The following CADPS variants were observed in gnomAD, a reference collection of about 807,000 sequenced individuals.
CADPS encodes calcium-dependent secretion activator 1.
CADPS carries 57 observed loss-of-function variants against 167.3 expected under a neutral mutation model. That is an observed-to-expected ratio of 0.34 (90% CI 0.28 to 0.42). The LOEUF is 0.42. Ranked by LOEUF, CADPS falls within the 20% of genes least tolerant of loss-of-function variation. The pLI is 1.00. For synonymous variants in CADPS, 676 were observed against 635.3 expected, an observed-to-expected ratio of 1.06 and a Z score of -0.96; for missense variants, 1,414 against 1,738.1, an observed-to-expected ratio of 0.81 and a Z score of 3.32.
At chr3:62,551,769 C>G (rs900957421) in intron 10 of CADPS, among the ~76,000 whole-genome samples, 1 of 152,146 alleles carries the variant, frequency 6.6e-6, no homozygotes, top group African/African-American at 2.4e-5. Context: ...ACCTCAGTAC[C>G]TTTGCAATTG....
At position 62,458,580 on chromosome 3, in the gene CADPS, C is replaced by T. The variant is rs527634184; in HGVS notation, c.3636+6787G>A. ...TTCAGCTCACTACAACCTCCGCCTC[C>T]CGAGTTCAAGCAATTCTCCTGGCTC... is the stretch of plus-strand genomic sequence containing the variant. On this transcript the variant is annotated intron_variant, in intron 26 of 29. Coordinates refer to ENST00000383710, the MANE Select transcript of CADPS (RefSeq NM_003716.4). The surrounding 1 kb of genome is among the most constrained non-coding windows in gnomAD (Gnocchi z 4.6). 1.7e-4 allele frequency among the ~76,000 whole-genome samples: 26 copies of T among 152,250 alleles called. No homozygotes were observed. Among genetic ancestry groups the T allele is most frequent in the African/African-American group, 6.3e-4 (26 of 41,548 alleles).
intron 9 of CADPS, among the ~76,000 whole-genome samples, chr3:62,570,420 G>A (rs750742030): frequency 1.1e-4 from 16 of 152,052 alleles, no homozygotes; most frequent in Non-Finnish European, 2.1e-4. Flanking sequence ...ACTAAATTCT[G>A]ACTTTACTCA....
At chr3:62,758,857 G>C (rs1289799873) in intron 2 of CADPS, among the ~76,000 whole-genome samples, 1 of 152,158 alleles carries the variant, frequency 6.6e-6, no homozygotes, top group East Asian at 1.9e-4. Flanking sequence ...GGTCATTTTA[G>C]AAACATACAA....
chr3:62,729,878 T>G (rs914226605), intron 3 of CADPS, among the ~76,000 whole-genome samples: 1 of 151,824 alleles, frequency 6.6e-6, no homozygotes, highest in Non-Finnish European at 1.5e-5. Flanking sequence ...GGGCATGTGG[T>G]AAGGCTATAC....
chr3:62,787,152 G>A (rs977012903), intron 1 of CADPS, among the ~76,000 whole-genome samples: 23 of 151,970 alleles, frequency 1.5e-4, no homozygotes, highest in Non-Finnish European at 2.8e-4. Context: ...AAAATTAGCC[G>A]GGCATGGTTG....
At chr3:62,733,096 A>C (rs2078248205) in intron 3 of CADPS, among the ~76,000 whole-genome samples, 2 of 152,198 alleles carry the variant, frequency 1.3e-5, no homozygotes, top group Non-Finnish European at 2.9e-5. Context: ...TTCTGTGACA[A>C]AGATTAAGCA....
intron 1 of CADPS, among the ~76,000 whole-genome samples, chr3:62,859,728 T>C (rs1021283116): frequency 1.3e-4 from 20 of 152,316 alleles, no homozygotes; most frequent in Non-Finnish European, 1.6e-4. Flanking sequence ...TCAAAACTCA[T>C]AGGGAGTTGT....
In CADPS at chr3:62,807,323, G is replaced by A. The variant is rs991780849; in HGVS notation, c.442-41339C>T. Among the ~76,000 whole-genome samples, 11 of 101,066 alleles carry A rather than the reference G, an allele frequency of 1.1e-4. No homozygotes were observed. The South Asian group carries it at 1.4e-3, about 13-fold the overall frequency. The allele number at this position is 101,066 out of a possible 152,430, so 66.3% of individuals were successfully genotyped here. ...GTCGCCCAGGCTGGAGGGCACTGGC[G>A]TGATCTCAGCTCACTGCAACCTCCG... On this transcript the variant is annotated intron_variant, in intron 1 of 29. Coordinates refer to ENST00000383710, the MANE Select transcript of CADPS (RefSeq NM_003716.4).
chr3:62,545,595 A>C (rs2076335918), intron 11 of CADPS, among the ~76,000 whole-genome samples: 1 of 152,134 alleles, frequency 6.6e-6, no homozygotes, highest in Admixed American at 6.5e-5. Context: ...GTCACACACA[A>C]ACTAATGAAT....
chr3:62,418,105 C>A (rs1018563777), intron 28 of CADPS, among the ~76,000 whole-genome samples: 11 of 152,020 alleles, frequency 7.2e-5, no homozygotes, highest in Non-Finnish European at 1.6e-4. Context: ...CTTCTCCTAA[C>A]AACCTTAAGA....
At chr3:62,795,569 T>C (rs1258222530) in intron 1 of CADPS, among the ~76,000 whole-genome samples, 1 of 152,214 alleles carries the variant, frequency 6.6e-6, no homozygotes, top group Non-Finnish European at 1.5e-5. Context: ...CTTTACCAAC[T>C]TTCTGTTTCA....
chr3:62,821,007 G>C (rs2094888971), intron 1 of CADPS, among the ~76,000 whole-genome samples: 1 of 151,930 alleles, frequency 6.6e-6, no homozygotes, highest in South Asian at 2.1e-4. Context: ...CACCATGTTG[G>C]CCAGGCTAAT....
intron 10 of CADPS, among the ~76,000 whole-genome samples, chr3:62,553,754 A>C (rs2077675271): frequency 2.0e-5 from 3 of 152,198 alleles, no homozygotes; most frequent in Admixed American, 2.0e-4. Flanking sequence ...CGACAGATGA[A>C]AGAGAACCAA....
At chr3:62,658,794 A>T (rs2072395271) in intron 4 of CADPS, among the ~76,000 whole-genome samples, 1 of 152,054 alleles carries the variant, frequency 6.6e-6, no homozygotes, top group Non-Finnish European at 1.5e-5. Context: ...TCCATTGTAG[A>T]TTGGTTAACT....
At position 62,670,683 on chromosome 3, in the gene CADPS, T is replaced by TA. The variant is rs373200558; in HGVS notation, c.889-8290dup. Among the ~76,000 whole-genome samples the TA allele has an allele frequency of 2.3e-3, 344 of 151,034 alleles. 3 individuals carry two copies. Among genetic ancestry groups the TA allele is most frequent in the African/African-American group, 7.3e-3 (299 of 41,150 alleles). On this transcript the variant is annotated intron_variant, in intron 3 of 29. Transcript: ENST00000383710. ...CTGAACAAGCAGCCAATAAATACAT[T>TA]AAAAAAAAACCCAAACAGAAAACCA...
chr3:62,616,119 C>G (rs1353407049), intron 6 of CADPS, among the ~76,000 whole-genome samples: 1 of 152,162 alleles, frequency 6.6e-6, no homozygotes, highest in Non-Finnish European at 1.5e-5. Flanking sequence ...AGTTTATTCC[C>G]TCCATCAATC....
chr3:62,653,052 C>A (rs1198532083), intron 4 of CADPS, among the ~76,000 whole-genome samples: 1 of 152,174 alleles, frequency 6.6e-6, no homozygotes, highest in Non-Finnish European at 1.5e-5. Context: ...GCATAACTAA[C>A]AGCCTTGTTT....
chr3:62,474,169 T>TTTTTTTTTTTTTTTTG lies in CADPS; in HGVS notation c.3477+3_3477+4insCAAAAAAAAAAAAAAA. ...AAAATCTGTATTTTTTTTTTTTTTT[T>TTTTTTTTTTTTTTTTG]TACCTCTTGGCCCATTTCCATGCTG... On this transcript the variant is annotated splice_donor_region_variant and intron_variant, in intron 24 of 29. Transcript: ENST00000383710. 1 of 1,471,838 alleles carries TTTTTTTTTTTTTTTTG rather than the reference T, an allele frequency of 6.8e-7. No individual in the cohort carries two copies. The highest frequency in any genetic ancestry group is 9.0e-7 in the Non-Finnish European group (1 of 1,106,978). 91.2% of individuals were successfully genotyped at this position (1,471,838 alleles called of 1,614,324 possible).
intron 1 of CADPS, among the ~76,000 whole-genome samples, chr3:62,842,158 T>C (rs1432276354): frequency 6.6e-6 from 1 of 152,212 alleles, no homozygotes; most frequent in Admixed American, 6.5e-5. Flanking sequence ...AGAGTGCTCA[T>C]GTATCCATTT....
Sources: allele counts gnomAD v4.1 joint callset (sites outside exome capture counted in the v4.1 genomes callset), GRCh38; gene constraint gnomAD v4.1.1; non-coding constraint Gnocchi (gnomAD v3.1); transcripts MANE v1.5; gene names NCBI Gene and HGNC (gene_info 2026-07-23, HGNC 2026-07-21).